Variants in MAPRE2 observed in about 807,000 individuals in gnomAD.
MAPRE2 encodes the protein microtubule-associated protein RP/EB family member 2.
A neutral mutation model predicts 43.2 loss-of-function variants in MAPRE2; 13 were observed. The ratio of observed to expected loss-of-function variants is 0.30; its 90% confidence interval spans 0.20 to 0.48. MAPRE2 has a LOEUF of 0.48. Among genes scored for constraint, MAPRE2 ranks in the 20% least tolerant of loss-of-function variants. MAPRE2 has a pLI of 0.99. For synonymous variants in MAPRE2, 135 were observed against 148.8 expected (o/e 0.91, Z 0.68); for missense variants, 161 against 400.2 (o/e 0.40, Z 5.10).
chr18:35,055,355 T>C (rs1906163258), intron 1 of MAPRE2, among the ~76,000 whole-genome samples: 1 of 152,224 alleles, frequency 6.6e-6, no homozygotes, highest in South Asian at 2.1e-4. Flanking sequence ...CATTATCACC[T>C]GGCCTTCTTC....
rs1232953038 is a variant in MAPRE2, at chr18:35,041,493, C to A, written c.-47C>A. The A allele has an allele frequency of 6.2e-7, 1 of 1,613,526 alleles. No homozygotes were observed. The highest frequency in any genetic ancestry group is 1.3e-5 in the African/African-American group (1 of 74,928). ...AGCGGGAAGACGCAGCCACCTTCCTCACCAGCCAGCCCACAGCGGTTTGTT... is the reference window on the plus strand; with the variant it reads ...AGCGGGAAGACGCAGCCACCTTCCTAACCAGCCAGCCCACAGCGGTTTGTT... On this transcript the variant is annotated 5_prime_UTR_variant, in exon 1 of 7. Coordinates refer to ENST00000300249, the MANE Select transcript of MAPRE2 (RefSeq NM_014268.4).
At position 35,019,009 on chromosome 18, in the gene MAPRE2, A is replaced by G. The variant is rs148442017; in HGVS notation, c.-8+13456A>G. 1.2e-3 allele frequency among the ~76,000 whole-genome samples: 182 copies of G among 151,722 alleles called. 2 individuals carry two copies. The highest frequency in any genetic ancestry group is 4.1e-3 in the African/African-American group (169 of 41,428). On this transcript the variant is annotated intron_variant, in intron 2 of 7. Transcript: ENST00000413393. ...TTTGCTGGATCCCAGAGATTTTGGT[A>G]TGTTGCATGTCTGTTTTCATTTATT...
chr18:35,011,545 T>C (rs112349862), intron 2 of MAPRE2, among the ~76,000 whole-genome samples: 32 of 152,170 alleles, frequency 2.1e-4, no homozygotes, highest in African/African-American at 6.5e-4. Context: ...GTTGAAGTCC[T>C]TTAAGCGTAG....
intron 1 of MAPRE2, among the ~76,000 whole-genome samples, chr18:34,997,701 A>G: frequency 6.6e-6 from 1 of 152,164 alleles, no homozygotes; most frequent in Non-Finnish European, 1.5e-5. Flanking sequence ...CTGTAATCCC[A>G]GCTATTCGGG....
At chr18:35,012,011 C>T (rs1304349913) in intron 2 of MAPRE2, among the ~76,000 whole-genome samples, 3 of 152,046 alleles carry the variant, frequency 2.0e-5, no homozygotes, top group African/African-American at 7.2e-5. Flanking sequence ...GAAGTAGTCA[C>T]CTAAAGATCT....
intron 4 of MAPRE2, among the ~76,000 whole-genome samples, chr18:35,119,625 G>A (rs1909580790): frequency 6.6e-6 from 1 of 152,180 alleles, no homozygotes; most frequent in South Asian, 2.1e-4. Flanking sequence ...GAGATAGATA[G>A]GGAGTGCATG....
At chr18:35,026,593 T>G (rs2097045352) in intron 2 of MAPRE2, among the ~76,000 whole-genome samples, 1 of 152,144 alleles carries the variant, frequency 6.6e-6, no homozygotes, top group Non-Finnish European at 1.5e-5. Context: ...TGTTGATGTT[T>G]GTCACTACCA....
chr18:35,017,859 T>C (rs979209350), intron 2 of MAPRE2, among the ~76,000 whole-genome samples: 5 of 151,620 alleles, frequency 3.3e-5, no homozygotes, highest in Non-Finnish European at 5.9e-5. Flanking sequence ...TCCAGTATTA[T>C]GTTAAATAGG....
chr18:35,048,581 A>G (rs976610254), intron 1 of MAPRE2, among the ~76,000 whole-genome samples: 16 of 149,716 alleles, frequency 1.1e-4, no homozygotes, highest in Admixed American at 2.0e-4. Flanking sequence ...TATATGTATT[A>G]TATATGTGTG....
intron 1 of MAPRE2, among the ~76,000 whole-genome samples, chr18:35,051,969 C>T (rs1384856499): frequency 6.6e-6 from 1 of 152,142 alleles, no homozygotes; most frequent in Non-Finnish European, 1.5e-5. Context: ...TCTTTTTGTT[C>T]TAAGTACCCT....
chr18:35,120,866 C>A (rs1173410154), intron 4 of MAPRE2, among the ~76,000 whole-genome samples: 3 of 152,118 alleles, frequency 2.0e-5, no homozygotes. Flanking sequence ...TTGTTCAGCT[C>A]TGGGTTTTCT....
At chr18:35,004,490 A>G (rs1345921243) in intron 1 of MAPRE2, among the ~76,000 whole-genome samples, 2 of 152,170 alleles carry the variant, frequency 1.3e-5, no homozygotes, top group African/African-American at 4.8e-5. Flanking sequence ...TCCCCCAAAC[A>G]CTTGATTCTC....
intron 2 of MAPRE2, among the ~76,000 whole-genome samples, chr18:35,089,362 G>A (rs1908032576): frequency 6.6e-6 from 1 of 151,966 alleles, no homozygotes; most frequent in Non-Finnish European, 1.5e-5. Context: ...TCAAGAAAGT[G>A]AAAAAACAGT....
intron 2 of MAPRE2, among the ~76,000 whole-genome samples, chr18:35,074,556 T>A (rs1265135632): frequency 3.3e-5 from 5 of 152,168 alleles, no homozygotes; most frequent in African/African-American, 1.2e-4. Context: ...CCCTCACTCC[T>A]CACCTCAAGC....
At position 35,044,176 on chromosome 18, in the gene MAPRE2, G is replaced by C. The variant is rs541849827; in HGVS notation, c.122+2515G>C. On this transcript the variant is annotated intron_variant, in intron 1 of 6. Coordinates refer to ENST00000300249, the MANE Select transcript of MAPRE2 (RefSeq NM_014268.4). ...AAGATCAGAGGGAATTCTTTCCCTG[G>C]ATCCTTTATTGACTTCTAGGTAGGC... Among the ~76,000 whole-genome samples, 5 of 152,250 alleles carry C rather than the reference G, an allele frequency of 3.3e-5. No individual in the cohort carries two copies. The East Asian group carries it at 9.6e-4, about 29-fold the overall frequency.
intron 2 of MAPRE2, among the ~76,000 whole-genome samples, chr18:35,092,065 T>C (rs1908177504): frequency 1.3e-5 from 2 of 152,082 alleles, no homozygotes; most frequent in Admixed American, 1.3e-4. Context: ...CTACACACTT[T>C]TAAACAACCA....
chr18:34,978,271 C>G, intron 1 of MAPRE2: 1 of 571,854 alleles, frequency 1.7e-6, no homozygotes, highest in Non-Finnish European at 3.1e-6. Context: ...GAAGAGGTCA[C>G]TAAAAATACT....
At chr18:34,988,872 T>C (rs2097022354) in intron 1 of MAPRE2, 1 of 152,220 alleles carries the variant, frequency 6.6e-6, no homozygotes, top group South Asian at 2.1e-4. Context: ...TCTTTTGTTT[T>C]TTTCTTCTAG....
intron 2 of MAPRE2, among the ~76,000 whole-genome samples, chr18:35,091,499 A>G (rs1036320465): frequency 1.3e-5 from 2 of 152,186 alleles, no homozygotes; most frequent in African/African-American, 4.8e-5. Flanking sequence ...AAAGCCATCT[A>G]TAGATCCAGT....
Sources: gnomAD v4.1 joint callset for allele counts (sites outside exome capture counted in the v4.1 genomes callset) on GRCh38, gnomAD v4.1.1 for gene constraint, MANE v1.5 for transcripts, NCBI Gene and HGNC (gene_info 2026-07-23, HGNC 2026-07-21) for gene names.